The following NTM variants were observed in gnomAD, a reference collection of about 807,000 sequenced individuals.
NTM encodes IgLON family member 2.
A neutral mutation model predicts 42.1 loss-of-function variants in NTM; 13 were observed. That is an observed-to-expected ratio of 0.31 (90% confidence interval 0.20 to 0.49). NTM has a LOEUF of 0.49. Among genes scored for constraint, NTM ranks in the 20% least tolerant of loss-of-function variants. The pLI, the probability that NTM is intolerant of heterozygous loss-of-function variation, is 0.99. For missense variants in NTM, 373 were observed against 452.8 expected (o/e 0.82, Z 1.60); for synonymous variants, 187 against 179.2 (o/e 1.04, Z -0.35).
chr11:132,302,411 T>C (rs1376295932), intron 4 of NTM, among the ~76,000 whole-genome samples: 1 of 152,166 alleles, frequency 6.6e-6, no homozygotes, highest in African/African-American at 2.4e-5. Context: ...AGAACACTAA[T>C]AGTGATGATA....
At chr11:132,021,675 A>C (rs2074358756) in intron 2 of NTM, among the ~76,000 whole-genome samples, 1 of 152,072 alleles carries the variant, frequency 6.6e-6, no homozygotes, top group African/African-American at 2.4e-5. Context: ...ATCCTGTTTT[A>C]ATTTTCAAGT....
At chr11:132,011,087 G>T (rs1392689641) in intron 2 of NTM, among the ~76,000 whole-genome samples, 1 of 151,742 alleles carries the variant, frequency 6.6e-6, no homozygotes, top group East Asian at 1.9e-4. Flanking sequence ...AGCAAGCATG[G>T]AACCATTTCT....
intron 1 of NTM, among the ~76,000 whole-genome samples, chr11:131,645,653 A>T (rs1433424551): frequency 6.6e-6 from 1 of 151,388 alleles, no homozygotes; most frequent in Non-Finnish European, 1.5e-5. Flanking sequence ...CTTTATGTCC[A>T]TTTTTTTTTA....
intron 1 of NTM, among the ~76,000 whole-genome samples, chr11:131,793,621 T>C (rs2091217657): frequency 6.6e-6 from 1 of 152,202 alleles, no homozygotes; most frequent in Admixed American, 6.5e-5. Flanking sequence ...TTACCACTGC[T>C]CTGTAATAGT....
intron 2 of NTM, among the ~76,000 whole-genome samples, chr11:132,036,836 G>A (rs139045695): frequency 3.9e-4 from 59 of 152,264 alleles, no homozygotes; most frequent in Middle Eastern, 6.8e-3. Flanking sequence ...TCTAACATAG[G>A]TGGATTCCTA....
intron 1 of NTM, among the ~76,000 whole-genome samples, chr11:131,468,487 T>G (rs1461943878): frequency 6.6e-6 from 1 of 152,248 alleles, no homozygotes; most frequent in African/African-American, 2.4e-5. Context: ...GAAAGTCAGC[T>G]TATGCATTTA....
chr11:132,305,742 G>A (rs2095053728), intron 4 of NTM, among the ~76,000 whole-genome samples: 1 of 152,142 alleles, frequency 6.6e-6, no homozygotes, highest in Admixed American at 6.5e-5. Context: ...TCAAATCAAG[G>A]TTAGTACCTT....
At chr11:131,392,167 A>G (rs1037433714) in intron 1 of NTM, among the ~76,000 whole-genome samples, 1 of 152,246 alleles carries the variant, frequency 6.6e-6, no homozygotes. Flanking sequence ...AAAAAGTCAT[A>G]CTATATTACA....
intron 4 of NTM, among the ~76,000 whole-genome samples, chr11:132,212,684 C>G (rs2083065653): frequency 6.6e-6 from 1 of 152,174 alleles, no homozygotes; most frequent in African/African-American, 2.4e-5. Context: ...CAAAAATTTA[C>G]TTTATCTGAA....
At position 132,051,849 on chromosome 11, in the gene NTM, C is replaced by G. The variant is rs568594191; in HGVS notation, c.168-94433C>G. 2.0e-5 allele frequency among the ~76,000 whole-genome samples: 3 copies of G among 152,296 alleles called. No homozygotes were observed. The South Asian group carries it at 6.2e-4, about 32-fold the overall frequency. ...TCAGAAAAGACTGTGGAGAATGCAT[C>G]AAAGCTGGTTGCTTATTGCACCATG... is the stretch of plus-strand genomic sequence containing the variant. On this transcript the variant is annotated intron_variant, in intron 2 of 8. Coordinates refer to ENST00000683400, the MANE Select transcript of NTM (RefSeq NM_001352005.2).
chr11:132,276,250 C>A (rs2093723796), intron 4 of NTM, among the ~76,000 whole-genome samples: 1 of 152,028 alleles, frequency 6.6e-6, no homozygotes, highest in South Asian at 2.1e-4. Context: ...CATCGTTAGT[C>A]ACTTAGGTTG....
intron 4 of NTM, among the ~76,000 whole-genome samples, chr11:132,259,017 T>A (rs1163491897): frequency 6.6e-6 from 1 of 152,184 alleles, no homozygotes; most frequent in Non-Finnish European, 1.5e-5. Context: ...GCTAGAAATA[T>A]TACTCATCTC....
intron 2 of NTM, among the ~76,000 whole-genome samples, chr11:132,119,030 T>C (rs1055480769): frequency 6.6e-6 from 1 of 152,148 alleles, no homozygotes; most frequent in Non-Finnish European, 1.5e-5. Flanking sequence ...TTCTCCAGTT[T>C]CCAGCGGATG....
At chr11:131,711,109 T>C (rs3105606) in intron 1 of NTM, among the ~76,000 whole-genome samples, 29,271 of 151,942 alleles carry the variant, frequency 0.19, 2,972 homozygotes, top group African/African-American at 0.24. Context: ...GCAATGGCAA[T>C]AAAAGACAAA....
chr11:132,131,065 T>G (rs926199769), intron 2 of NTM, among the ~76,000 whole-genome samples: 1 of 152,246 alleles, frequency 6.6e-6, no homozygotes, highest in Non-Finnish European at 1.5e-5. Context: ...ATTTTTCTGG[T>G]TAATTAACAA....
At chr11:131,471,750 C>G (rs1211810253) in intron 1 of NTM, among the ~76,000 whole-genome samples, 1 of 152,138 alleles carries the variant, frequency 6.6e-6, no homozygotes, top group Non-Finnish European at 1.5e-5. Flanking sequence ...CATAGCCTGC[C>G]TTGTTCATGA....
chr11:131,499,048 CTG>C (rs1357214380), intron 1 of NTM, among the ~76,000 whole-genome samples: 6 of 152,174 alleles, frequency 3.9e-5, no homozygotes, highest in Non-Finnish European at 5.9e-5. Flanking sequence ...GAGGCACACT[CTG>C]GAGTCCAGTC....
rs190331542 is a variant in NTM at position 131,657,504 on chromosome 11, G to A, written c.83-254060G>A. Reference sequence around the variant, plus strand: ...TGATGGTCTCCACCAATTCCAGTTTGTTTTTCCTTTGTATTGTTATTAGCA... The same window carrying A: ...TGATGGTCTCCACCAATTCCAGTTTATTTTTCCTTTGTATTGTTATTAGCA... On this transcript the variant is annotated intron_variant, in intron 1 of 8. Coordinates refer to ENST00000683400, the MANE Select transcript of NTM (RefSeq NM_001352005.2). Among the ~76,000 whole-genome samples the A allele has an allele frequency of 1.5e-3, 226 of 152,308 alleles. 3 individuals are homozygous for A. The highest frequency in any genetic ancestry group is 5.2e-3 in the African/African-American group (217 of 41,578).
intron 1 of NTM, among the ~76,000 whole-genome samples, chr11:131,464,363 G>A (rs571801343): frequency 2.6e-5 from 4 of 152,136 alleles, no homozygotes; most frequent in East Asian, 3.9e-4. Context: ...GAAAGCTGGG[G>A]GGGGGGCAGC....
Sources: gnomAD v4.1 joint callset for allele counts (sites outside exome capture counted in the v4.1 genomes callset) on GRCh38, gnomAD v4.1.1 for gene constraint, MANE v1.5 for transcripts, NCBI Gene and HGNC (gene_info 2026-07-23, HGNC 2026-07-21) for gene names.